Variants in NLRC3 observed in about 807,000 individuals in gnomAD.
NLRC3 encodes the protein NLR family CARD domain-containing protein 3.
NLRC3 carries 87 observed loss-of-function variants against 91.6 expected under a neutral mutation model. That is an observed-to-expected ratio of 0.95 (90% CI 0.80 to 1.14). The LOEUF (loss-of-function observed/expected upper bound fraction) is 1.14. Among genes scored for constraint, NLRC3 ranks in the 50% most tolerant of loss-of-function variants. NLRC3 has a pLI of 0.00. For synonymous variants in NLRC3, 694 were observed against 625.3 expected, an observed-to-expected ratio of 1.11 and a Z score of -1.64; for missense variants, 1,577 against 1,418.6, an observed-to-expected ratio of 1.11 and a Z score of -1.79.
At chr16:3,566,200 C>T (rs1177965698) in intron 2 of NLRC3, among the ~76,000 whole-genome samples, 4 of 142,556 alleles carry the variant, frequency 2.8e-5, no homozygotes, top group Non-Finnish European at 6.0e-5. Context: ...TGATTATAAT[C>T]AATGGACCAC....
intron 8 of NLRC3, among the ~76,000 whole-genome samples, chr16:3,554,987 T>A (rs1334123805): frequency 6.6e-6 from 1 of 152,112 alleles, no homozygotes; most frequent in East Asian, 1.9e-4. Flanking sequence ...CCCAGCACTT[T>A]GGGAGGCCGA....
Position 3,564,501 on chromosome 16 carries a change from C to T in NLRC3, c.436G>A (p.Val146Met). The T allele has an allele frequency of 6.2e-7, 1 of 1,612,456 alleles. No homozygotes were observed. Among genetic ancestry groups the T allele is most frequent in the East Asian group, 2.2e-5 (1 of 44,876 alleles). ...AGGGTGGTCTTGCCCATGCCGGCCA[C>T]CCCGATAGTGATGGAGACCCGGGGT... ...VPPRVSITIG[V>M]AGMGKTTLVR... is the part of the protein sequence containing the mutation. Residue 146 changes from valine to methionine, a missense_variant, in exon 5 of 20, where the codon GTG becomes ATG. Transcript: ENST00000359128. This position sits in a 1 kb window ranked among gnomAD's most constrained non-coding sequence, Gnocchi z 5.9.
chr16:3,542,060 C>T (rs1438847878), intron 19 of NLRC3, 131 bp downstream of exon 19: 1 of 809,952 alleles, frequency 1.2e-6, no homozygotes, highest in African/African-American at 1.7e-5. Flanking sequence ...CAGGGTACCT[C>T]CCCTTAGACC....
chr16:3,574,604 T>A (rs1249437009), intron 1 of NLRC3, among the ~76,000 whole-genome samples: 1 of 152,132 alleles, frequency 6.6e-6, no homozygotes, highest in Non-Finnish European at 1.5e-5. Context: ...TCCCTCCTGA[T>A]CAGACACCCA....
chr16:3,564,302 G>A lies in NLRC3; in HGVS notation c.635C>T (p.Ala212Val), dbSNP rs1567147256. ...GEPSLAVAVP[A>V]RALLILDGLD... is the part of the protein sequence containing the mutation. Reference sequence around the variant, plus strand: ...GCCGTCCAGGATCAGGAGGGCCCTGGCTGGGACTGCCACCGCCAGGCTGGG... The same window carrying A: ...GCCGTCCAGGATCAGGAGGGCCCTGACTGGGACTGCCACCGCCAGGCTGGG... Residue 212 changes from alanine (A) to valine (V), a missense_variant, in exon 5 of 20, where the codon GCC becomes GTC. Coordinates refer to ENST00000359128, the MANE Select transcript of NLRC3 (RefSeq NM_178844.4). The surrounding 1 kb of genome is among the most constrained non-coding windows in gnomAD (Gnocchi z 5.9). 2.5e-6 allele frequency: 4 copies of A among 1,611,584 alleles called. No homozygotes were observed. The highest frequency in any genetic ancestry group is 3.4e-6 in the Non-Finnish European group (4 of 1,179,558).
At chr16:3,575,048 C>T (rs2040234363) in intron 1 of NLRC3, among the ~76,000 whole-genome samples, 1 of 152,180 alleles carries the variant, frequency 6.6e-6, no homozygotes, top group African/African-American at 2.4e-5. Context: ...TAGCTTATGT[C>T]ATACTGGAGA....
chr16:3,576,300 A>G (rs28609715), intron 1 of NLRC3, among the ~76,000 whole-genome samples: 1,849 of 151,964 alleles, frequency 0.012, 43 homozygotes, highest in African/African-American at 0.042. Flanking sequence ...GTCTCTCTCG[A>G]CCCTTGTCTC....
intron 6 of NLRC3, among the ~76,000 whole-genome samples, chr16:3,558,018 G>A (rs924848882): frequency 1.3e-5 from 2 of 152,172 alleles, no homozygotes; most frequent in African/African-American, 2.4e-5. Flanking sequence ...GTGGTGTACT[G>A]GTAAACTGGC....
chr16:3,543,458 G>A lies in NLRC3; in HGVS notation c.2906C>T (p.Ala969Val). Reference protein sequence around the residue: ...GASGAQVLGEALAVNRTLEIL... With the variant: ...GASGAQVLGEVLAVNRTLEIL... ...CTCCAAGGTTCTGTTCACAGCCAAG[G>A]CTTCCCCTAGCACCTGGGCGCCTGA... The change falls in exon 17 of 20, where the codon GCC becomes GTC. Residue 969 changes from alanine to valine, a missense_variant. Physicochemically the swap from Ala to Val is moderately conservative, Grantham distance 64. Coordinates refer to ENST00000359128, the MANE Select transcript of NLRC3 (RefSeq NM_178844.4). 6.2e-7 allele frequency: 1 copy of A among 1,613,126 alleles called. No individual in the cohort carries two copies. Among genetic ancestry groups the A allele is most frequent in the Non-Finnish European group, 8.5e-7 (1 of 1,179,496 alleles).
rs1157181585 is a variant in NLRC3, at chr16:3,564,084, C to T, written c.853G>A (p.Glu285Lys). 3.1e-6 allele frequency: 5 copies of T among 1,613,404 alleles called. No homozygotes were observed. Among genetic ancestry groups the T allele is most frequent in the Non-Finnish European group, 4.2e-6 (5 of 1,179,908 alleles). ...TCCTCCTCGTTAAAGCCCCGGATCTCCGTCATCCGGTCCACCAGGCCCCCT... is the reference window on the plus strand; with the variant it reads ...TCCTCCTCGTTAAAGCCCCGGATCTTCGTCATCCGGTCCACCAGGCCCCCT... Reference protein sequence around the residue: ...IPGGLVDRMTEIRGFNEEEIK... With the variant: ...IPGGLVDRMTKIRGFNEEEIK... Residue 285 changes from glutamate (E) to lysine (K), a missense_variant, in exon 5 of 20, where the codon GAG becomes AAG. Coordinates refer to ENST00000359128, the MANE Select transcript of NLRC3 (RefSeq NM_178844.4). The surrounding 1 kb of genome is among the most constrained non-coding windows in gnomAD (Gnocchi z 5.9).
intron 5 of NLRC3, 138 bp downstream of exon 5, chr16:3,562,871 T>G: frequency 1.2e-6 from 1 of 843,768 alleles, no homozygotes; most frequent in Non-Finnish European, 1.9e-6. Flanking sequence ...ACTTTAGTTG[T>G]TTTAAGCCAC....
intron 3 of NLRC3, 118 bp from the exon 4 acceptor site, chr16:3,565,178 T>G (rs2039824704): frequency 1.3e-6 from 1 of 797,152 alleles, no homozygotes; most frequent in African/African-American, 1.7e-5. Context: ...TCCTCAGCCT[T>G]TGGGTGGCCC....
intron 8 of NLRC3, among the ~76,000 whole-genome samples, chr16:3,556,289 A>C (rs1338507263): frequency 1.8e-5 from 2 of 109,510 alleles, no homozygotes; most frequent in East Asian, 5.6e-4. Context: ...CAAGATCTCC[A>C]GCCTGGGTGA....
chr16:3,554,039 G>A (rs1474231691), intron 9 of NLRC3, among the ~76,000 whole-genome samples: 1 of 151,918 alleles, frequency 6.6e-6, no homozygotes, highest in African/African-American at 2.4e-5. Context: ...GAGTCCCTGC[G>A]CCCAGCCAGG....
intron 5 of NLRC3, among the ~76,000 whole-genome samples, chr16:3,562,369 A>G (rs1035522267): frequency 6.6e-6 from 1 of 152,164 alleles, no homozygotes; most frequent in Non-Finnish European, 1.5e-5. Flanking sequence ...GGCCAGGTGC[A>G]GTGGCTCAGG....
At position 3,541,566 on chromosome 16, in the gene NLRC3, C is replaced by T. The variant is rs1457038446; in HGVS notation, c.*259G>A. On this transcript the variant is annotated 3_prime_UTR_variant, in exon 20 of 20. Transcript: ENST00000359128. Reference sequence around the variant, plus strand: ...ACTGCTCAGCTTTCAGGCCTTTGGCCCCTAGTCCCTTGGGGGTGGCCCCTC... The same window carrying T: ...ACTGCTCAGCTTTCAGGCCTTTGGCTCCTAGTCCCTTGGGGGTGGCCCCTC... 5.9e-6 allele frequency: 3 copies of T among 508,240 alleles called. No individual in the cohort carries two copies. In the East Asian group the frequency reaches 1.0e-4, roughly 17 times the overall value. The allele number at this position is 508,240 out of a possible 1,614,324, so 31.5% of individuals were successfully genotyped here.
chr16:3,543,528 G>T lies in NLRC3; in HGVS notation c.2856-20C>A. On this transcript the variant is annotated intron_variant, in intron 16 of 19. Coordinates refer to ENST00000359128, the MANE Select transcript of NLRC3 (RefSeq NM_178844.4). Reference sequence around the variant, plus strand: ...TGGAGACTGGGGCGGAGAGGGTGCCGTCAGTGTGAGCCGGCTGGGCCCACC... The same window carrying T: ...TGGAGACTGGGGCGGAGAGGGTGCCTTCAGTGTGAGCCGGCTGGGCCCACC... The T allele has an allele frequency of 6.3e-7, 1 of 1,591,058 alleles. No individual in the cohort carries two copies.
At chr16:3,571,440 A>T (rs1224898669) in intron 1 of NLRC3, among the ~76,000 whole-genome samples, 1 of 149,586 alleles carries the variant, frequency 6.7e-6, no homozygotes, top group African/African-American at 2.5e-5. Context: ...AGCTATGGGG[A>T]GGCTGAGGTA....
chr16:3,567,564 A>G (rs1451431534), intron 1 of NLRC3, among the ~76,000 whole-genome samples: 2 of 151,898 alleles, frequency 1.3e-5, no homozygotes, highest in African/African-American at 2.4e-5. Flanking sequence ...ACCTGAGGTT[A>G]GGAGTTCAAG....
Sources: gnomAD v4.1 joint callset for allele counts (sites outside exome capture counted in the v4.1 genomes callset) on GRCh38, gnomAD v4.1.1 for gene constraint, Gnocchi (gnomAD v3.1) non-coding constraint, MANE v1.5 for transcripts, NCBI Gene and HGNC (gene_info 2026-07-23, HGNC 2026-07-21) for gene names.